The following CCDC91 variants were observed in gnomAD, a reference collection of about 807,000 sequenced individuals.
The protein encoded by CCDC91 is coiled-coil domain containing 91, also known as coiled-coil domain-containing protein 91.
In CCDC91, 48 loss-of-function variants were observed where a neutral mutation model predicts 63.2. That is an observed-to-expected ratio of 0.76 (90% CI 0.60 to 0.97). The LOEUF is 0.97. Among genes scored for constraint, CCDC91 ranks in the 50% least tolerant of loss-of-function variants. The pLI, the probability that CCDC91 is intolerant of heterozygous loss-of-function variation, is 0.00. For missense variants in CCDC91, 500 were observed against 494.6 expected (o/e 1.01, Z -0.10); for synonymous variants, 167 against 165.8 (o/e 1.01, Z -0.06).
intron 7 of CCDC91, among the ~76,000 whole-genome samples, chr12:28,377,595 T>C (rs768955193): frequency 2.0e-5 from 3 of 151,938 alleles, no homozygotes; most frequent in Non-Finnish European, 4.4e-5. Context: ...AGTTACTTAT[T>C]ATTACATTCA....
intron 7 of CCDC91, among the ~76,000 whole-genome samples, chr12:28,370,265 A>AT (rs1944531619): frequency 6.6e-6 from 1 of 152,202 alleles, no homozygotes; most frequent in African/African-American, 2.4e-5. Flanking sequence ...CACTTCTAGA[A>AT]TGCTTTGCTG....
At chr12:28,452,737 T>G in intron 11 of CCDC91, 83 bp downstream of exon 11, 1 of 590,934 alleles carries the variant, frequency 1.7e-6, no homozygotes, top group Non-Finnish European at 2.7e-6. Context: ...TCTTTTATCT[T>G]ACTTAAAACA....
At chr12:28,515,709 A>T (rs1159769819) in intron 12 of CCDC91, among the ~76,000 whole-genome samples, 1 of 151,926 alleles carries the variant, frequency 6.6e-6, no homozygotes, top group Non-Finnish European at 1.5e-5. Context: ...CAAAAATTAT[A>T]ATATCTGAGG....
intron 3 of CCDC91, among the ~76,000 whole-genome samples, chr12:28,283,254 T>C (rs1428844072): frequency 6.6e-6 from 1 of 151,550 alleles, no homozygotes; most frequent in Admixed American, 6.6e-5. Context: ...AAAAATGATG[T>C]TGGTATTTTG....
intron 1 of CCDC91, among the ~76,000 whole-genome samples, chr12:28,214,367 A>G (rs1409388246): frequency 6.6e-6 from 1 of 152,046 alleles, no homozygotes; most frequent in African/African-American, 2.4e-5. Context: ...GACCAACCCA[A>G]CCCAACCCAA....
At chr12:28,327,791 A>G (rs556412980) in intron 6 of CCDC91, among the ~76,000 whole-genome samples, 23 of 152,250 alleles carry the variant, frequency 1.5e-4, no homozygotes, top group African/African-American at 4.8e-4. Flanking sequence ...GTCATTTAGC[A>G]TGGAAATTAG....
intron 8 of CCDC91, among the ~76,000 whole-genome samples, chr12:28,407,863 T>C (rs1016681090): frequency 4.6e-5 from 7 of 151,990 alleles, no homozygotes; most frequent in Non-Finnish European, 1.5e-5. Flanking sequence ...TTAACTTTTA[T>C]AGTTTTTAGT....
intron 12 of CCDC91, among the ~76,000 whole-genome samples, chr12:28,485,924 A>G (rs1157022612): frequency 6.6e-6 from 1 of 152,182 alleles, no homozygotes; most frequent in Non-Finnish European, 1.5e-5. Flanking sequence ...ATAAATTCAA[A>G]GACTTCTTGT....
At chr12:28,354,865 TC>T (rs1334256315) in intron 6 of CCDC91, among the ~76,000 whole-genome samples, 5 of 152,172 alleles carry the variant, frequency 3.3e-5, no homozygotes, top group African/African-American at 1.2e-4. Context: ...ACAGGCCTTT[TC>T]TTTAACATTC....
At chr12:28,458,455 CTTTTTTT>C (rs60083355) in intron 11 of CCDC91, among the ~76,000 whole-genome samples, 8 of 45,808 alleles carry the variant, frequency 1.7e-4, no homozygotes, top group Admixed American at 1.3e-3. Context: ...ATTTGCACAC[CTTTTTTT>C]TTTTTTTTTT....
chr12:28,492,959 A>T (rs960870709), intron 12 of CCDC91, among the ~76,000 whole-genome samples: 1 of 151,684 alleles, frequency 6.6e-6, no homozygotes, highest in Non-Finnish European at 1.5e-5. Context: ...ACAGTACCAC[A>T]GTTATCACCT....
chr12:28,333,023 C>T (rs1239173451), intron 6 of CCDC91, among the ~76,000 whole-genome samples: 1 of 152,074 alleles, frequency 6.6e-6, no homozygotes, highest in Non-Finnish European at 1.5e-5. Flanking sequence ...TATAGTATGA[C>T]AGTTGAAACA....
intron 1 of CCDC91, among the ~76,000 whole-genome samples, chr12:28,222,094 C>A (rs1943988257): frequency 6.6e-6 from 1 of 152,108 alleles, no homozygotes; most frequent in Admixed American, 6.5e-5. Context: ...TCTTGTACAT[C>A]CTTTGTTCAG....
At chr12:28,498,152 T>C (rs1952412101) in intron 12 of CCDC91, among the ~76,000 whole-genome samples, 1 of 151,660 alleles carries the variant, frequency 6.6e-6, no homozygotes. Flanking sequence ...TAAAAATCTC[T>C]TTCACTTCCT....
intron 6 of CCDC91, among the ~76,000 whole-genome samples, chr12:28,350,604 C>A (rs1943116542): frequency 1.3e-5 from 2 of 152,136 alleles, no homozygotes; most frequent in Admixed American, 1.3e-4. Context: ...TAACAAATTA[C>A]CACAAACTTG....
chr12:28,404,894 T>G (rs1220452332), intron 8 of CCDC91, among the ~76,000 whole-genome samples: 2 of 152,084 alleles, frequency 1.3e-5, no homozygotes, highest in Non-Finnish European at 2.9e-5. Context: ...TCAAAGTGGA[T>G]TTCTCATAGA....
At chr12:28,347,630 C>T (rs190733023) in intron 6 of CCDC91, among the ~76,000 whole-genome samples, 1 of 152,196 alleles carries the variant, frequency 6.6e-6, no homozygotes, top group Admixed American at 6.5e-5. Flanking sequence ...TGTAACCCAC[C>T]CCCATCAGGC....
chr12:28,504,448 A>G (rs1203575837), intron 12 of CCDC91, among the ~76,000 whole-genome samples: 1 of 151,946 alleles, frequency 6.6e-6, no homozygotes, highest in Admixed American at 6.6e-5. Context: ...GGATCAGAGA[A>G]CACTTCCCAG....
intron 8 of CCDC91, among the ~76,000 whole-genome samples, chr12:28,435,802 G>C (rs1424275076): frequency 6.6e-6 from 1 of 151,682 alleles, no homozygotes; most frequent in Admixed American, 6.6e-5. Context: ...GGGTGAGTTT[G>C]CATCCAAATT....
Sources: gnomAD v4.1 joint callset for allele counts (sites outside exome capture counted in the v4.1 genomes callset) on GRCh38, gnomAD v4.1.1 for gene constraint, MANE v1.5 for transcripts, NCBI Gene and HGNC (gene_info 2026-07-23, HGNC 2026-07-21) for gene names.